Variants in PAPSS1 observed in about 807,000 individuals in gnomAD.
The protein encoded by PAPSS1 is 3'-phosphoadenosine 5'-phosphosulfate synthase 1.
In PAPSS1, 50 loss-of-function variants were observed where a neutral mutation model predicts 72.0. The observed-to-expected ratio is 0.69, with a 90% confidence interval of 0.55 to 0.88. PAPSS1 has a LOEUF of 0.88. Ranked by LOEUF, PAPSS1 falls within the 40% of genes least tolerant of loss-of-function variation. The pLI is 0.00. For missense variants in PAPSS1, 657 were observed against 782.2 expected (o/e 0.84, Z 1.91); for synonymous variants, 261 against 263.6 (o/e 0.99, Z 0.09).
Position 107,660,035 on chromosome 4 carries a change from T to A in PAPSS1, c.707A>T (p.Glu236Val). 6.2e-7 allele frequency: 1 copy of A among 1,602,342 alleles called. No homozygotes were observed. The highest frequency in any genetic ancestry group is 8.5e-7 in the Non-Finnish European group (1 of 1,172,234). The change falls in exon 6 of 12, where the codon GAA becomes GTA. Residue 236 changes from glutamate to valine, a missense_variant. Physicochemically the swap from Glu to Val is moderately radical, Grantham distance 121. Around this residue, in one of 7 missense-constraint regions of PAPSS1, gnomAD observed 190 missense variants for 176.7 expected, o/e 1.07. Transcript: ENST00000265174. ...AAGTTTATTTTCTGGCACATATAGT[T>A]CTTTTACTTCATAAGATGCATCCAC... The part of the protein sequence containing the change: ...VPVDASYEVK[E>V]LYVPENKLHL...
At chr4:107,683,428 T>C (rs916701726) in intron 4 of PAPSS1, among the ~76,000 whole-genome samples, 1 of 152,134 alleles carries the variant, frequency 6.6e-6, no homozygotes, top group African/African-American at 2.4e-5. Flanking sequence ...AATGCGGTGA[T>C]ATACTGGAAT....
Position 107,614,318 on chromosome 4 carries a change from A to C in PAPSS1, c.1806T>G (p.Pro602=). 3 of 1,613,866 alleles carry C rather than the reference A, an allele frequency of 1.9e-6. No individual in the cohort carries two copies. Among genetic ancestry groups the C allele is most frequent in the Non-Finnish European group, 2.5e-6 (3 of 1,179,728 alleles). ...RKLAREGQKP[P]EGFMAPKAWT... is the part of the protein sequence containing the mutation. The stretch of plus-strand genomic sequence containing the variant: ...AAGCCTTGGGAGCCATGAAACCTTC[A>C]GGTGGTTTCTGGCCTTCTCGAGCAA... The change falls in exon 12 of 12, where the codon CCT becomes CCG. Residue 602 remains proline, a synonymous_variant. Transcript: ENST00000265174.
At chr4:107,633,517 A>G (rs1226848566) in intron 10 of PAPSS1, among the ~76,000 whole-genome samples, 9 of 152,108 alleles carry the variant, frequency 5.9e-5, no homozygotes, top group Non-Finnish European at 1.3e-4. Flanking sequence ...TAACATAATA[A>G]TAAAACTGTG....
chr4:107,614,787 T>C (rs1379831432), intron 11 of PAPSS1, among the ~76,000 whole-genome samples: 1 of 152,180 alleles, frequency 6.6e-6, no homozygotes, highest in Non-Finnish European at 1.5e-5. Flanking sequence ...CTAATTTACT[T>C]GTACTAATTT....
intron 11 of PAPSS1, among the ~76,000 whole-genome samples, chr4:107,625,851 G>C (rs961212055): frequency 6.6e-6 from 1 of 152,128 alleles, no homozygotes. Context: ...TACAGTTAGA[G>C]TGTTTTTTAA....
chr4:107,707,933 C>T (rs1023499783), intron 1 of PAPSS1, among the ~76,000 whole-genome samples: 2 of 152,148 alleles, frequency 1.3e-5, no homozygotes, highest in African/African-American at 4.8e-5. Flanking sequence ...TTCCTACCTT[C>T]CCCTTCACAA....
chr4:107,631,840 TG>T lies in PAPSS1; in HGVS notation c.1526del (p.Ala509AspfsTer38). 1 of 1,613,448 alleles carries T rather than the reference TG, an allele frequency of 6.2e-7. No homozygotes were observed. On this transcript the variant is annotated frameshift_variant, in exon 11 of 12. Coordinates refer to ENST00000265174, the MANE Select transcript of PAPSS1 (RefSeq NM_005443.5). LOFTEE classifies it high-confidence loss of function. ...AAAAGTTGGCTCCTGCAACCATCCGTGCTCTGCAATGCCACTGGACCTAGAA... is the reference window on the plus strand; with the variant it reads ...AAAAGTTGGCTCCTGCAACCATCCGTCTCTGCAATGCCACTGGACCTAGAA... ...GPTEVQWHCR[A>X]RMVAGANFYI...
intron 9 of PAPSS1, among the ~76,000 whole-genome samples, chr4:107,649,908 A>ATTGACCC (rs1726792845): frequency 5.3e-5 from 8 of 152,234 alleles, no homozygotes; most frequent in Admixed American, 5.2e-4. Context: ...CCCCTCCAGG[A>ATTGACCC]TACTGGTCAA....
rs184397094 is a variant in PAPSS1, at chr4:107,619,466, T to C, written c.1737-5079A>G. Among the ~76,000 whole-genome samples the C allele has an allele frequency of 1.3e-3, 196 of 152,334 alleles. 1 individual carries two copies. The highest frequency in any genetic ancestry group is 4.5e-3 in the African/African-American group (186 of 41,580). On this transcript the variant is annotated intron_variant, in intron 11 of 11. Coordinates refer to ENST00000265174, the MANE Select transcript of PAPSS1 (RefSeq NM_005443.5). ...CTGTCACATAAGGATTTTAACTTTT[T>C]ATCAGAATGTAGGTTCAAGGAGTGG...
intron 5 of PAPSS1, among the ~76,000 whole-genome samples, chr4:107,674,329 T>G (rs1255740108): frequency 1.3e-5 from 2 of 152,020 alleles, no homozygotes; most frequent in African/African-American, 4.8e-5. Context: ...AATAAAGGGA[T>G]GGAGGAAGAT....
At chr4:107,704,545 GT>G (rs1386894396) in intron 1 of PAPSS1, among the ~76,000 whole-genome samples, 2 of 152,116 alleles carry the variant, frequency 1.3e-5, no homozygotes, top group African/African-American at 4.8e-5. Flanking sequence ...TTTGTTGAGA[GT>G]TTTTATCATA....
chr4:107,635,171 G>A (rs1002034633), intron 10 of PAPSS1, among the ~76,000 whole-genome samples: 1 of 151,664 alleles, frequency 6.6e-6, no homozygotes, highest in Non-Finnish European at 1.5e-5. Context: ...TATTAGCCTT[G>A]ACTAAAACAT....
chr4:107,704,377 T>C (rs762030950), intron 1 of PAPSS1, among the ~76,000 whole-genome samples: 10 of 152,242 alleles, frequency 6.6e-5, no homozygotes, highest in Non-Finnish European at 1.5e-4. Context: ...TCCAGTACTA[T>C]GCTGAATAGA....
chr4:107,709,424 A>G (rs1022470530), intron 1 of PAPSS1, among the ~76,000 whole-genome samples: 3 of 152,170 alleles, frequency 2.0e-5, no homozygotes, highest in African/African-American at 7.2e-5. Context: ...TTTAGTTTTT[A>G]GTTTAAATGA....
At chr4:107,637,854 G>A (rs1392036319) in intron 10 of PAPSS1, among the ~76,000 whole-genome samples, 2 of 152,156 alleles carry the variant, frequency 1.3e-5, no homozygotes, top group African/African-American at 4.8e-5. Context: ...TAATTTTGCT[G>A]TGTAAAAAAT....
intron 11 of PAPSS1, among the ~76,000 whole-genome samples, chr4:107,619,301 C>T (rs1329477068): frequency 6.6e-6 from 1 of 152,194 alleles, no homozygotes; most frequent in Non-Finnish European, 1.5e-5. Context: ...GAAGCTATTT[C>T]ACACTCCATC....
chr4:107,619,006 T>A (rs1454677670), intron 11 of PAPSS1, among the ~76,000 whole-genome samples: 1 of 152,200 alleles, frequency 6.6e-6, no homozygotes, highest in Non-Finnish European at 1.5e-5. Context: ...ATAAGCTTCA[T>A]TTTGAAAAAT....
At chr4:107,619,486 G>A (rs898363189) in intron 11 of PAPSS1, among the ~76,000 whole-genome samples, 14 of 152,120 alleles carry the variant, frequency 9.2e-5, no homozygotes, top group Admixed American at 9.2e-4. Context: ...TAGGTTCAAG[G>A]AGTGGACACA....
In PAPSS1 at chr4:107,714,261, A is replaced by T. The variant is rs894507920; in HGVS notation, c.60+5859T>A. On this transcript the variant is annotated intron_variant, in intron 1 of 11. Transcript: ENST00000265174. ...CCTCTTAGTAATTTTCCATCCACCG[A>T]CCCCCACCCTGCTCCCTCACCATAA... 5.3e-5 allele frequency among the ~76,000 whole-genome samples: 8 copies of T among 151,522 alleles called. 1 individual carries two copies. Among genetic ancestry groups the T allele is most frequent in the Admixed American group, 5.3e-4 (8 of 15,190 alleles).
Sources: gnomAD v4.1 joint callset for allele counts (sites outside exome capture counted in the v4.1 genomes callset) on GRCh38, gnomAD v4.1.1 for gene constraint, gnomAD v4.1.1 regional missense constraint, MANE v1.5 for transcripts, NCBI Gene and HGNC (gene_info 2026-07-23, HGNC 2026-07-21) for gene names.